Variants in MIPEP observed in about 807,000 individuals in gnomAD.
The protein encoded by MIPEP is mitochondrial intermediate peptidase.
In MIPEP, 79 loss-of-function variants were observed where a neutral mutation model predicts 90.3. The observed-to-expected ratio is 0.87, with a 90% CI of 0.73 to 1.05. The LOEUF (loss-of-function observed/expected upper bound fraction) is 1.05. Among genes scored for constraint, MIPEP ranks in the 50% least tolerant of loss-of-function variants. The pLI, the probability that MIPEP is intolerant of heterozygous loss-of-function variation, is 0.00. For missense variants in MIPEP, 940 were observed against 905.6 expected (o/e 1.04, Z -0.49); for synonymous variants, 334 against 315.8 (o/e 1.06, Z -0.61).
chr13:23,844,194 C>T, intron 10 of MIPEP, among the ~76,000 whole-genome samples: 1 of 151,506 alleles, frequency 6.6e-6, no homozygotes, highest in East Asian at 1.9e-4. Flanking sequence ...AGGTAAAGGG[C>T]AGACCCCTGA....
intron 10 of MIPEP, among the ~76,000 whole-genome samples, chr13:23,844,286 G>A (rs921778501): frequency 6.6e-6 from 1 of 152,182 alleles, no homozygotes; most frequent in African/African-American, 2.4e-5. Flanking sequence ...TGCATGGAAA[G>A]AGGGGAGAAA....
At chr13:23,864,532 TCAAGACCAG>T (rs1456164970) in intron 7 of MIPEP, among the ~76,000 whole-genome samples, 1 of 151,988 alleles carries the variant, frequency 6.6e-6, no homozygotes, top group African/African-American at 2.4e-5. Flanking sequence ...GGTCAGGAGT[TCAAGACCAG>T]CAAGGCCAAC....
chr13:23,828,517 A>G (rs1464479826), intron 14 of MIPEP, among the ~76,000 whole-genome samples: 1 of 152,258 alleles, frequency 6.6e-6, no homozygotes, highest in Non-Finnish European at 1.5e-5. Flanking sequence ...ATGGACAAAC[A>G]GCATTTTTAA....
At chr13:23,753,737 G>A (rs1324726026) in intron 18 of MIPEP, among the ~76,000 whole-genome samples, 1 of 152,170 alleles carries the variant, frequency 6.6e-6, no homozygotes, top group Admixed American at 6.5e-5. Context: ...ATGGCCGAGG[G>A]ACTCAGAGCT....
intron 18 of MIPEP, among the ~76,000 whole-genome samples, chr13:23,734,780 C>G (rs911394797): frequency 6.6e-6 from 1 of 152,208 alleles, no homozygotes; most frequent in Non-Finnish European, 1.5e-5. Context: ...GCCCAAACCT[C>G]TAACAGCAGT....
intron 18 of MIPEP, among the ~76,000 whole-genome samples, chr13:23,735,922 C>A (rs1354668197): frequency 6.6e-6 from 1 of 150,684 alleles, no homozygotes; most frequent in Non-Finnish European, 1.5e-5. Flanking sequence ...ACAAAAAAAA[C>A]AATGTTTCAG....
intron 11 of MIPEP, among the ~76,000 whole-genome samples, chr13:23,840,798 GA>G (rs774798272): frequency 2.6e-5 from 4 of 152,192 alleles, no homozygotes; most frequent in Admixed American, 2.0e-4. Flanking sequence ...CAAATCCTAT[GA>G]GGAAAAATTT....
chr13:23,814,083 T>C (rs1953207652), intron 14 of MIPEP, among the ~76,000 whole-genome samples: 1 of 152,218 alleles, frequency 6.6e-6, no homozygotes, highest in South Asian at 2.1e-4. Context: ...GTCTGAGGCA[T>C]CATAAATAAT....
intron 10 of MIPEP, among the ~76,000 whole-genome samples, chr13:23,855,659 T>C (rs1228367356): frequency 6.6e-6 from 1 of 152,224 alleles, no homozygotes; most frequent in Non-Finnish European, 1.5e-5. Flanking sequence ...TCAATCAAGA[T>C]TACTGAAGCC....
In MIPEP at chr13:23,837,710, T is replaced by A. The variant is rs1869119257; in HGVS notation, c.1385A>T (p.Asp462Val). The A allele has an allele frequency of 6.2e-7, 1 of 1,613,924 alleles. No individual in the cohort carries two copies. The highest frequency in any genetic ancestry group is 8.5e-7 in the Non-Finnish European group (1 of 1,179,904). ...AAGAACTACAACTGGGAGTTGATAG[T>A]CTCCATCTTCCTTTAGTCTGCCTCC... ...IRGGRLKEDG[D>V]YQLPVVVLML... Residue 462 changes from aspartate (D) to valine (V), a missense_variant, in exon 13 of 19, where the codon GAC becomes GTC. Asp to Val is a radical substitution (Grantham distance 152, BLOSUM62 -3). Coordinates refer to ENST00000382172, the MANE Select transcript of MIPEP (RefSeq NM_005932.4).
At chr13:23,788,413 T>C (rs1237408709) in intron 16 of MIPEP, among the ~76,000 whole-genome samples, 1 of 152,194 alleles carries the variant, frequency 6.6e-6, no homozygotes, top group Non-Finnish European at 1.5e-5. Flanking sequence ...CTATCAGTAT[T>C]TAGGAACCCA....
intron 16 of MIPEP, among the ~76,000 whole-genome samples, chr13:23,770,524 A>T (rs1952636877): frequency 6.6e-6 from 1 of 152,178 alleles, no homozygotes. Flanking sequence ...CTGGGACCTC[A>T]GCATCGAAGT....
Position 23,730,246 on chromosome 13 carries a change from A to C in MIPEP, c.*102T>G. 1.2e-5 allele frequency: 9 copies of C among 742,192 alleles called. No individual in the cohort carries two copies. The highest frequency in any genetic ancestry group is 1.8e-5 in the Non-Finnish European group (8 of 438,780). 46.0% of individuals were successfully genotyped at this position (742,192 alleles called of 1,614,324 possible). On this transcript the variant is annotated 3_prime_UTR_variant, in exon 19 of 19. Transcript: ENST00000382172. Reference sequence around the variant, plus strand: ...CCAGTTTAAAGTTTTTCAGAATTACAGAAGCGAACAATGAAATCAGAAACA... The same window carrying C: ...CCAGTTTAAAGTTTTTCAGAATTACCGAAGCGAACAATGAAATCAGAAACA...
chr13:23,756,435 G>A (rs1384056406), intron 18 of MIPEP, 110 bp downstream of exon 18: 3 of 1,137,500 alleles, frequency 2.6e-6, no homozygotes, highest in Middle Eastern at 1.9e-4. Context: ...GGGATTACAG[G>A]CATGAACCAC....
At chr13:23,874,766 A>G (rs1474306636) in intron 5 of MIPEP, 80 bp downstream of exon 5, 2 of 1,215,940 alleles carry the variant, frequency 1.6e-6, no homozygotes, top group African/African-American at 3.1e-5. Context: ...CAAGCAATAT[A>G]TACAAGGACT....
In MIPEP at chr13:23,836,257, G is replaced by A. The variant is rs757447273; in HGVS notation, c.1636C>T (p.His546Tyr). The A allele has an allele frequency of 6.2e-7, 1 of 1,601,740 alleles. No homozygotes were observed. The highest frequency in any genetic ancestry group is 1.1e-5 in the South Asian group (1 of 88,208). The change falls in exon 14 of 19, where the codon CAT becomes TAT. Residue 546 changes from histidine (H) to tyrosine (Y), a missense_variant. His to Tyr is a moderately conservative substitution (Grantham distance 83). Coordinates refer to ENST00000382172, the MANE Select transcript of MIPEP (RefSeq NM_005932.4). The stretch of plus-strand genomic sequence containing the variant: ...GTTCCTACCTGTCCAGTCTGATAAT[G>A]TCTGGCAAATTGGTTAACTACTCGA... ...DYRVVNQFAR[H>Y]YQTGQPLPKN...
intron 18 of MIPEP, among the ~76,000 whole-genome samples, chr13:23,735,597 A>G (rs1005477915): frequency 1.5e-5 from 1 of 65,264 alleles, no homozygotes; most frequent in Non-Finnish European, 4.4e-5. Context: ...TCCTTCTCCA[A>G]TTCCCCACCT....
intron 12 of MIPEP, among the ~76,000 whole-genome samples, chr13:23,839,133 A>T (rs1036404528): frequency 6.6e-6 from 1 of 152,260 alleles, no homozygotes; most frequent in East Asian, 1.9e-4. Flanking sequence ...ATAAGGAGCT[A>T]CTTGGTGGTT....
At chr13:23,831,542 G>C (rs1868766363) in intron 14 of MIPEP, among the ~76,000 whole-genome samples, 1 of 152,182 alleles carries the variant, frequency 6.6e-6, no homozygotes, top group Non-Finnish European at 1.5e-5. Flanking sequence ...AGCTCCTGGT[G>C]AGAGCCTTGT....
Sources: allele counts gnomAD v4.1 joint callset (sites outside exome capture counted in the v4.1 genomes callset), GRCh38; gene constraint gnomAD v4.1.1; transcripts MANE v1.5; gene names NCBI Gene and HGNC (gene_info 2026-07-23, HGNC 2026-07-21).